The following TENM1 variants were observed in gnomAD, a reference collection of about 807,000 sequenced individuals.
The protein encoded by TENM1 is teneurin-1.
Under a neutral mutation model 174.8 loss-of-function variants are expected in TENM1, and 35 were observed. The observed-to-expected ratio is 0.20, with a 90% CI of 0.15 to 0.27. The LOEUF (loss-of-function observed/expected upper bound fraction) is 0.27. Ranked by LOEUF, TENM1 falls within the 10% of genes least tolerant of loss-of-function variation. The probability of loss-of-function intolerance (pLI) is 1.00; values close to 1 mark genes in which losing one functional copy is unlikely to be tolerated. For synonymous variants in TENM1, 781 were observed against 798.7 expected, an observed-to-expected ratio of 0.98 and a Z score of 0.37; for missense variants, 1,633 against 2,130.1, an observed-to-expected ratio of 0.77 and a Z score of 4.59.
chrX:124,949,833 T>C (rs10429761), intron 1 of TENM1, among the ~76,000 whole-genome samples: 6,891 of 111,673 alleles, frequency 0.062, 498 homozygotes, highest in African/African-American at 0.21. Context: ...TGAGGTGCCA[T>C]GCCTTTAAGA....
chrX:124,582,915 G>C (rs1056197891), intron 11 of TENM1, among the ~76,000 whole-genome samples: 4 of 112,336 alleles, frequency 3.6e-5, no homozygotes, highest in Non-Finnish European at 5.6e-5. Context: ...CTACGCCCAC[G>C]GAGTCTCGCT....
intron 1 of TENM1, among the ~76,000 whole-genome samples, chrX:124,941,747 G>A (rs2058330211): frequency 1.8e-5 from 2 of 111,216 alleles, no homozygotes; most frequent in Non-Finnish European, 3.8e-5. Flanking sequence ...TTAATGACTT[G>A]CCAAAGATAG....
At chrX:125,098,882 G>A in the TENM1 span, among the ~76,000 whole-genome samples, 4 of 112,149 alleles carry the variant, frequency 3.6e-5, no homozygotes, top group Middle Eastern at 4.6e-3. Context: ...TTATCCAGAC[G>A]AAATACGGTA....
intron 16 of TENM1, among the ~76,000 whole-genome samples, chrX:124,526,445 G>A (rs1279800525): frequency 8.9e-6 from 1 of 111,840 alleles, no homozygotes; most frequent in Admixed American, 9.5e-5. Flanking sequence ...TTTCCACCTC[G>A]CAGTTATACA....
At chrX:124,581,060 C>CTTTT (rs1202109466) in intron 11 of TENM1, among the ~76,000 whole-genome samples, 19 of 63,949 alleles carry the variant, frequency 3.0e-4, no homozygotes, top group Non-Finnish European at 3.5e-4. Context: ...ATACTTAGTT[C>CTTTT]TTTTTTTTTT....
chrX:124,512,169 T>A (rs1461269174), intron 18 of TENM1, among the ~76,000 whole-genome samples: 1 of 111,408 alleles, frequency 9.0e-6, no homozygotes, highest in African/African-American at 3.3e-5. Flanking sequence ...CGGGAATTAT[T>A]TTGACAAAAT....
the TENM1 span, among the ~76,000 whole-genome samples, chrX:125,168,769 G>A: frequency 9.0e-6 from 1 of 111,409 alleles, no homozygotes; most frequent in Admixed American, 9.6e-5. Context: ...TAATCTGAGG[G>A]AGTTGAAAGT....
At chrX:124,622,979 A>G (rs1285031318) in intron 11 of TENM1, among the ~76,000 whole-genome samples, 1 of 112,137 alleles carries the variant, frequency 8.9e-6, no homozygotes, top group East Asian at 2.8e-4. Flanking sequence ...TCTGATGTAG[A>G]ATGTAACCTA....
intron 4 of TENM1, among the ~76,000 whole-genome samples, chrX:124,715,641 C>A (rs776188560): frequency 3.2e-4 from 31 of 98,111 alleles, no homozygotes; most frequent in Non-Finnish European, 3.1e-4. Flanking sequence ...TTTTCCTTTT[C>A]TTTTCTTTTC....
chrX:125,046,836 ATG>A, the TENM1 span, among the ~76,000 whole-genome samples: 4,162 of 95,911 alleles, frequency 0.043, 205 homozygotes, highest in African/African-American at 0.15. Flanking sequence ...GTGTGTGTGC[ATG>A]TGTGTGTGTG....
chrX:124,872,478 ATTAT>A (rs1428067751), intron 3 of TENM1, among the ~76,000 whole-genome samples: 3 of 112,122 alleles, frequency 2.7e-5, no homozygotes, highest in Non-Finnish European at 5.6e-5. Flanking sequence ...ATAAATGAAA[ATTAT>A]TTAAGCAGAA....
chrX:124,594,416 T>C (rs1250359988), intron 11 of TENM1, among the ~76,000 whole-genome samples: 1 of 110,203 alleles, frequency 9.1e-6, no homozygotes, highest in Non-Finnish European at 1.9e-5. Context: ...CCAAATGCCA[T>C]AGAGTGGGTG....
At chrX:125,170,859 G>A in the TENM1 span, among the ~76,000 whole-genome samples, 1 of 110,932 alleles carries the variant, frequency 9.0e-6, no homozygotes, top group African/African-American at 3.3e-5. Context: ...GCATGTCTTT[G>A]TGCTTTTACT....
chrX:124,649,028 G>A (rs1470204246), intron 8 of TENM1, among the ~76,000 whole-genome samples: 1 of 111,672 alleles, frequency 9.0e-6, no homozygotes, highest in African/African-American at 3.3e-5. Flanking sequence ...AAGAGACATT[G>A]GAACAGCCGA....
intron 27 of TENM1, among the ~76,000 whole-genome samples, chrX:124,399,216 T>A (rs1209047796): frequency 8.9e-6 from 1 of 111,874 alleles, no homozygotes; most frequent in African/African-American, 3.3e-5. Context: ...TGTGCCTCAG[T>A]TTCTTCATCT....
chrX:124,424,940 C>G (rs1447785099), intron 23 of TENM1, among the ~76,000 whole-genome samples: 1 of 111,253 alleles, frequency 9.0e-6, no homozygotes, highest in Non-Finnish European at 1.9e-5. Flanking sequence ...TCTTGTACAG[C>G]CTGTGAAACC....
intron 1 of TENM1, among the ~76,000 whole-genome samples, chrX:124,946,714 T>C: frequency 9.0e-6 from 1 of 111,430 alleles, no homozygotes; most frequent in South Asian, 3.8e-4. Flanking sequence ...GAGCTAAGTA[T>C]TTCAAGAAAC....
chrX:124,631,468 G>C (rs1038031609), intron 11 of TENM1, among the ~76,000 whole-genome samples: 18 of 111,561 alleles, frequency 1.6e-4, no homozygotes, highest in Admixed American at 2.9e-4. Flanking sequence ...GGAATGGACA[G>C]TCTAAGGGAA....
intron 21 of TENM1, among the ~76,000 whole-genome samples, chrX:124,482,678 T>C (rs1297969211): frequency 6.2e-5 from 7 of 112,278 alleles, no homozygotes; most frequent in African/African-American, 2.3e-4. Context: ...AAAGTGACCC[T>C]AAAGTTACCT....
Sources: gnomAD v4.1 joint callset for allele counts (sites outside exome capture counted in the v4.1 genomes callset) on GRCh38, gnomAD v4.1.1 for gene constraint, MANE v1.5 for transcripts, NCBI Gene and HGNC (gene_info 2026-07-23, HGNC 2026-07-21) for gene names.